SENP6: variants seen among roughly 807,000 people sequenced by gnomAD.
SENP6 encodes SUMO specific peptidase 6, also known as sentrin-specific protease 6.
In SENP6, 41 loss-of-function variants were observed where a neutral mutation model predicts 134.5. The observed-to-expected ratio is 0.30, with a 90% CI of 0.24 to 0.40. The LOEUF (loss-of-function observed/expected upper bound fraction) is 0.40, where lower values mean the gene tolerates loss of function less well. SENP6 is among the 10% of genes least tolerant of loss of function. The pLI is 1.00. For missense variants in SENP6, 1,248 were observed against 1,312.5 expected, an observed-to-expected ratio of 0.95 and a Z score of 0.76; for synonymous variants, 395 against 429.8, an observed-to-expected ratio of 0.92 and a Z score of 1.00.
chr6:75,645,826 G>GA (rs1249317625), intron 6 of SENP6, among the ~76,000 whole-genome samples: 1 of 151,976 alleles, frequency 6.6e-6, no homozygotes, highest in East Asian at 1.9e-4. Flanking sequence ...GCTTTTATAG[G>GA]AAAAAATATA....
intron 1 of SENP6, among the ~76,000 whole-genome samples, chr6:75,614,228 G>A (rs950348683): frequency 6.7e-6 from 1 of 149,020 alleles, no homozygotes; most frequent in African/African-American, 2.5e-5. Context: ...TTAAGGTGGT[G>A]TTCACCAGAT....
intron 5 of SENP6, among the ~76,000 whole-genome samples, chr6:75,637,511 GA>G (rs993766629): frequency 2.0e-5 from 3 of 151,926 alleles, no homozygotes; most frequent in Admixed American, 6.6e-5. Flanking sequence ...GAGAAGTATG[GA>G]AAAAAATGCA....
At position 75,605,585 on chromosome 6, in the gene SENP6, A is replaced by G. The variant is rs1360520071; in HGVS notation, c.52+3009A>G. On this transcript the variant is annotated intron_variant, in intron 1 of 23. Coordinates refer to ENST00000447266, the MANE Select transcript of SENP6 (RefSeq NM_015571.4). ...ACTTAATTAAGTAAACACCTTAACT[A>G]AGAGACACTTCAGAATATGGCAGAG... 2.6e-5 allele frequency among the ~76,000 whole-genome samples: 4 copies of G among 152,204 alleles called. No homozygotes were observed. In the East Asian group the frequency reaches 7.7e-4, roughly 29 times the overall value.
At chr6:75,702,066 A>G (rs1775071715) in intron 18 of SENP6, among the ~76,000 whole-genome samples, 1 of 73,870 alleles carries the variant, frequency 1.4e-5, no homozygotes, top group Non-Finnish European at 2.6e-5. Context: ...TCCAAAAACA[A>G]GAAAGCGTTC....
At chr6:75,668,595 A>G (rs1373719162) in intron 10 of SENP6, among the ~76,000 whole-genome samples, 1 of 152,230 alleles carries the variant, frequency 6.6e-6, no homozygotes, top group Non-Finnish European at 1.5e-5. Context: ...CTCAATCTTG[A>G]TCAGTGTTTG....
chr6:75,653,286 C>A (rs1771056975), intron 7 of SENP6, among the ~76,000 whole-genome samples: 1 of 152,216 alleles, frequency 6.6e-6, no homozygotes, highest in African/African-American at 2.4e-5. Flanking sequence ...CCGCCTCGGC[C>A]TCCCAAAGTG....
At chr6:75,610,122 A>G (rs1450708765) in intron 1 of SENP6, among the ~76,000 whole-genome samples, 1 of 152,170 alleles carries the variant, frequency 6.6e-6, no homozygotes, top group African/African-American at 2.4e-5. Context: ...GAATGGATTC[A>G]GGAATTTCTG....
At chr6:75,611,354 G>A (rs1767435691) in intron 1 of SENP6, 1 of 152,234 alleles carries the variant, frequency 6.6e-6, no homozygotes. Context: ...AGTTAAGTCT[G>A]AAGCTGTTCA....
In SENP6 at chr6:75,603,753, G is replaced by T. The variant is rs137922943; in HGVS notation, c.52+1177G>T. Among the ~76,000 whole-genome samples, 73 of 152,196 alleles carry T rather than the reference G, an allele frequency of 4.8e-4. 2 individuals carry two copies. The South Asian group carries it at 9.5e-3, about 20-fold the overall frequency. The stretch of plus-strand genomic sequence containing the variant: ...AGTAGGTACTCAGTGTTAGTCTAGT[G>T]AAAGAATAGTGAATAATAGAGGTAA... On this transcript the variant is annotated intron_variant, in intron 1 of 23. Coordinates refer to ENST00000447266, the MANE Select transcript of SENP6 (RefSeq NM_015571.4).
At chr6:75,677,379 T>A (rs1419755463) in intron 14 of SENP6, 123 bp downstream of exon 14, 10 of 770,964 alleles carry the variant, frequency 1.3e-5, no homozygotes, top group Non-Finnish European at 2.0e-5. Flanking sequence ...CAGAATTACT[T>A]ACTTTTATGT....
At chr6:75,685,142 C>T (rs1773738124) in intron 16 of SENP6, among the ~76,000 whole-genome samples, 1 of 152,032 alleles carries the variant, frequency 6.6e-6, no homozygotes, top group Admixed American at 6.6e-5. Context: ...TGTATGTGTC[C>T]AGGAATTTAT....
intron 7 of SENP6, among the ~76,000 whole-genome samples, chr6:75,649,465 A>ATC (rs1770701951): frequency 6.6e-6 from 1 of 152,184 alleles, no homozygotes; most frequent in Admixed American, 6.5e-5. Context: ...AAGTTAAGAG[A>ATC]AAAAAGAGCA....
At chr6:75,655,291 C>G (rs950570802) in intron 7 of SENP6, 1 of 152,282 alleles carries the variant, frequency 6.6e-6, no homozygotes, top group Non-Finnish European at 1.5e-5. Context: ...CCAGATCACC[C>G]TCACATTCTT....
At chr6:75,636,954 C>CA (rs1448696908) in intron 5 of SENP6, among the ~76,000 whole-genome samples, 1 of 150,810 alleles carries the variant, frequency 6.6e-6, no homozygotes, top group East Asian at 1.9e-4. Context: ...AGTCATAGCT[C>CA]ACTGCAGCCT....
intron 3 of SENP6, among the ~76,000 whole-genome samples, chr6:75,625,045 G>T (rs969683413): frequency 1.3e-5 from 2 of 151,112 alleles, no homozygotes; most frequent in East Asian, 3.9e-4. Flanking sequence ...GATGAAATAA[G>T]GTATTTTGGA....
intron 7 of SENP6, among the ~76,000 whole-genome samples, chr6:75,648,430 C>T (rs1296731939): frequency 1.3e-5 from 2 of 152,076 alleles, no homozygotes; most frequent in Admixed American, 6.5e-5. Flanking sequence ...TTAAATAGCT[C>T]TGATGGCTCT....
intron 7 of SENP6, among the ~76,000 whole-genome samples, chr6:75,653,064 C>T (rs1771030377): frequency 6.6e-6 from 1 of 151,758 alleles, no homozygotes; most frequent in African/African-American, 2.4e-5. Flanking sequence ...GAGTTTCGCT[C>T]TTGTTGCCCA....
rs1272262771 is a variant in SENP6, at chr6:75,702,816, C to G, written c.2460C>G (p.Ala820=). ...AGAGTTGTTCACAAAACTCTTCTGC[C>G]AAGCCTGTAATTAAGAAGATGCTAA... is the stretch of plus-strand genomic sequence containing the variant. ...EMESCSQNSS[A]KPVIKKMLNK... Residue 820 remains alanine, a synonymous_variant, in exon 19 of 24, where the codon GCC becomes GCG. Transcript: ENST00000447266. The G allele has an allele frequency of 6.2e-7, 1 of 1,614,012 alleles. No homozygotes were observed. The highest frequency in any genetic ancestry group is 1.1e-5 in the South Asian group (1 of 91,068).
At chr6:75,668,110 A>G (rs1181031437) in intron 10 of SENP6, among the ~76,000 whole-genome samples, 2 of 152,178 alleles carry the variant, frequency 1.3e-5, no homozygotes, top group African/African-American at 4.8e-5. Flanking sequence ...AAAAGCAATC[A>G]TAAGGATAAT....
Sources: gnomAD v4.1 joint callset for allele counts (sites outside exome capture counted in the v4.1 genomes callset) on GRCh38, gnomAD v4.1.1 for gene constraint, MANE v1.5 for transcripts, NCBI Gene and HGNC (gene_info 2026-07-23, HGNC 2026-07-21) for gene names.